NHS: variants seen among roughly 807,000 people sequenced by gnomAD.
NHS encodes the protein NHS actin remodeling regulator.
A neutral mutation model predicts 72.5 loss-of-function variants in NHS; 5 were observed. That is an observed-to-expected ratio of 0.07 (90% CI 0.04 to 0.14). The LOEUF is 0.14. Ranked by LOEUF, NHS falls within the 10% of genes least tolerant of loss-of-function variation. The probability of loss-of-function intolerance (pLI) is 1.00; values close to 1 mark genes in which losing one functional copy is unlikely to be tolerated. For missense variants in NHS, 1,072 were observed against 1,355.7 expected (o/e 0.79, Z 3.29); for synonymous variants, 464 against 547.7 (o/e 0.85, Z 2.13).
At chrX:17,680,630 T>A (rs1272001332) in intron 1 of NHS, among the ~76,000 whole-genome samples, 1 of 112,772 alleles carries the variant, frequency 8.9e-6, no homozygotes, top group African/African-American at 3.2e-5. Flanking sequence ...GTTTGTTTTT[T>A]AATTATACTT....
In NHS at chrX:17,727,030, T is replaced by C; in HGVS notation, c.2924T>C (p.Ile975Thr). 8.3e-7 allele frequency: 1 copy of C among 1,211,976 alleles called. No homozygotes were observed. The highest frequency in any genetic ancestry group is 1.1e-6 in the Non-Finnish European group (1 of 895,538). ...NSSTATGTTVIECIKSPESSE... is the reference protein window; with the variant it reads ...NSSTATGTTVTECIKSPESSE... ...AGCACCGCTACGGGTACCACAGTCA[T>C]TGAATGCATCAAATCTCCAGAGAGC... Residue 975 changes from isoleucine (I) to threonine (T), a missense_variant, in exon 7 of 9, where the codon ATT (isoleucine) becomes ACT (threonine). Physicochemically the swap from Ile to Thr is moderately conservative, Grantham distance 89 (BLOSUM62 -1). Coordinates refer to ENST00000676302, the MANE Select transcript of NHS (RefSeq NM_001291867.2).
intron 1 of NHS, among the ~76,000 whole-genome samples, chrX:17,473,834 AT>A (rs1184144323): frequency 8.9e-6 from 1 of 112,012 alleles, no homozygotes; most frequent in Non-Finnish European, 1.9e-5. Flanking sequence ...TCCTTTAAAA[AT>A]TTTTTTATGT....
At chrX:17,566,599 C>T (rs1296901712) in intron 1 of NHS, among the ~76,000 whole-genome samples, 1 of 111,015 alleles carries the variant, frequency 9.0e-6, no homozygotes, top group East Asian at 2.8e-4. Context: ...AGCTGAGAGC[C>T]GAGAGAGACC....
intron 1 of NHS, among the ~76,000 whole-genome samples, chrX:17,476,173 C>T (rs1427720324): frequency 2.7e-5 from 3 of 111,639 alleles, no homozygotes; most frequent in African/African-American, 9.8e-5. Flanking sequence ...GTGAATATAG[C>T]ACATTTTATC....
At chrX:17,725,271 T>G in intron 6 of NHS, 76 bp from the exon 7 acceptor site, 1 of 996,908 alleles carries the variant, frequency 1.0e-6, no homozygotes, top group East Asian at 3.1e-5. Flanking sequence ...AGCCCACAGA[T>G]CTACAGACAT....
intron 1 of NHS, among the ~76,000 whole-genome samples, chrX:17,677,880 T>C (rs1254878499): frequency 8.9e-6 from 1 of 111,857 alleles, no homozygotes; most frequent in Non-Finnish European, 1.9e-5. Context: ...CAATCTCAGC[T>C]CACTGCAGCC....
At chrX:17,380,636 C>T (rs185476499) in intron 1 of NHS, among the ~76,000 whole-genome samples, 179 of 111,951 alleles carry the variant, frequency 1.6e-3, no homozygotes, top group African/African-American at 5.5e-3. Flanking sequence ...CGTGAGCCAC[C>T]GCACCCAGCT....
intron 1 of NHS, among the ~76,000 whole-genome samples, chrX:17,378,085 T>TGA (rs778518367): frequency 9.6e-6 from 1 of 104,468 alleles, no homozygotes; most frequent in African/African-American, 3.4e-5. Flanking sequence ...TGTGTGTGTG[T>TGA]GAGACACACC....
At position 17,601,824 on chromosome X, in the gene NHS, G is replaced by A. The variant is rs765923553; in HGVS notation, c.566-85918G>A. ...TGGTGCTTCATTCGATCCCACCCTC[G>A]ATACTCTGGGAAACACTGTGAGAGA... On this transcript the variant is annotated intron_variant, in intron 1 of 8. Transcript: ENST00000676302. Among the ~76,000 whole-genome samples, 8 of 111,718 alleles carry A rather than the reference G, an allele frequency of 7.2e-5. No homozygotes were observed. The East Asian group carries it at 1.7e-3, about 23-fold the overall frequency.
chrX:17,617,873 C>T (rs2065754196), intron 1 of NHS, among the ~76,000 whole-genome samples: 1 of 112,100 alleles, frequency 8.9e-6, no homozygotes, highest in South Asian at 3.7e-4. Flanking sequence ...TCACTGAGCT[C>T]TTGGATGAAA....
At chrX:17,636,930 A>G (rs1278459725) in intron 1 of NHS, among the ~76,000 whole-genome samples, 1 of 112,191 alleles carries the variant, frequency 8.9e-6, no homozygotes, top group Non-Finnish European at 1.9e-5. Flanking sequence ...ATATATATTT[A>G]TGATAAATAA....
chrX:17,489,332 A>G (rs193222636), intron 1 of NHS, among the ~76,000 whole-genome samples: 1,119 of 111,796 alleles, frequency 0.01, 16 homozygotes, highest in African/African-American at 0.035. Context: ...GGGTCAAATG[A>G]TATTTCTGGT....
intron 1 of NHS, among the ~76,000 whole-genome samples, chrX:17,539,869 G>A (rs986313228): frequency 1.8e-5 from 2 of 112,063 alleles, no homozygotes; most frequent in Non-Finnish European, 3.8e-5. Flanking sequence ...GCAGGTGTGA[G>A]GTTTCTGTTT....
intron 1 of NHS, among the ~76,000 whole-genome samples, chrX:17,463,308 A>G (rs2064856637): frequency 9.1e-6 from 1 of 109,563 alleles, no homozygotes; most frequent in Non-Finnish European, 1.9e-5. Context: ...AAAGCACCAT[A>G]GCTCCTGGGG....
intron 1 of NHS, among the ~76,000 whole-genome samples, chrX:17,673,285 G>C (rs1178831903): frequency 9.3e-6 from 1 of 108,090 alleles, no homozygotes; most frequent in African/African-American, 3.4e-5. Context: ...CTTTACATAA[G>C]AGGGTTAGGC....
chrX:17,556,183 G>A (rs2065371744), intron 1 of NHS, among the ~76,000 whole-genome samples: 1 of 112,635 alleles, frequency 8.9e-6, no homozygotes, highest in African/African-American at 3.2e-5. Flanking sequence ...GGGACTGGGA[G>A]TGACAGAAAC....
chrX:17,531,854 CCTT>C (rs1351155007), intron 1 of NHS, among the ~76,000 whole-genome samples: 2 of 112,805 alleles, frequency 1.8e-5, no homozygotes, highest in South Asian at 3.6e-4. Flanking sequence ...CTTTCTCTGA[CCTT>C]CTCCAGCCAG....
chrX:17,391,060 A>G (rs762163249), intron 1 of NHS, among the ~76,000 whole-genome samples: 1 of 111,770 alleles, frequency 8.9e-6, no homozygotes, highest in Non-Finnish European at 1.9e-5. Flanking sequence ...ACAAACAAAC[A>G]AACAGACAGA....
At chrX:17,433,856 A>T (rs886075039) in intron 1 of NHS, among the ~76,000 whole-genome samples, 2 of 112,258 alleles carry the variant, frequency 1.8e-5, no homozygotes, top group Non-Finnish European at 3.8e-5. Context: ...GTTTTAAAAA[A>T]TGTATATTAT....
Sources: allele counts gnomAD v4.1 joint callset (sites outside exome capture counted in the v4.1 genomes callset), GRCh38; gene constraint gnomAD v4.1.1; transcripts MANE v1.5; gene names NCBI Gene and HGNC (gene_info 2026-07-23, HGNC 2026-07-21).